Variants in RPAP3 observed in about 807,000 individuals in gnomAD.
RPAP3 encodes RNA polymerase II associated protein 3.
In RPAP3, 58 loss-of-function variants were observed where a neutral mutation model predicts 88.8. The ratio of observed to expected loss-of-function variants is 0.65; its 90% CI spans 0.53 to 0.81. The LOEUF is 0.81. Among genes scored for constraint, RPAP3 ranks in the 40% least tolerant of loss-of-function variants. The pLI is 0.00. For synonymous variants in RPAP3, 255 were observed against 259.9 expected (o/e 0.98, Z 0.18); for missense variants, 751 against 764.3 (o/e 0.98, Z 0.20).
intron 1 of RPAP3, 42 bp from the exon 2 acceptor site, chr12:47,702,888 T>A: frequency 6.8e-7 from 1 of 1,477,468 alleles, no homozygotes; most frequent in Non-Finnish European, 9.1e-7. Context: ...AGAATAGGCC[T>A]ATTTGGTTTA....
intron 10 of RPAP3, among the ~76,000 whole-genome samples, chr12:47,680,103 G>C (rs1007099003): frequency 6.6e-6 from 1 of 152,082 alleles, no homozygotes; most frequent in East Asian, 1.9e-4. Flanking sequence ...TAGAATAAGA[G>C]AATTACATAC....
chr12:47,696,026 C>T (rs1565722362), intron 5 of RPAP3: 1 of 297,028 alleles, frequency 3.4e-6, no homozygotes, highest in South Asian at 1.6e-4. Context: ...GAAAAGAACA[C>T]TATTACTAAA....
In RPAP3 at chr12:47,680,023, G is replaced by A. The variant is rs558695645; in HGVS notation, c.1115-249C>T. Among the ~76,000 whole-genome samples, 47 of 152,156 alleles carry A rather than the reference G, an allele frequency of 3.1e-4. 1 individual carries two copies. Among genetic ancestry groups the A allele is most frequent in the African/African-American group, 1.1e-3 (46 of 41,530 alleles). Reference sequence around the variant, plus strand: ...AGGTGATAAAACTGAGGCCCCTAGAGGTCATCTAACTTAGCAAAGTTCACC... The same window carrying A: ...AGGTGATAAAACTGAGGCCCCTAGAAGTCATCTAACTTAGCAAAGTTCACC... On this transcript the variant is annotated intron_variant, in intron 10 of 16. Coordinates refer to ENST00000005386, the MANE Select transcript of RPAP3 (RefSeq NM_024604.3).
chr12:47,668,864 A>G (rs1006396648), intron 14 of RPAP3, 52 bp downstream of exon 14: 1 of 1,374,142 alleles, frequency 7.3e-7, no homozygotes. Flanking sequence ...AAAGTGACAG[A>G]AGTTCTCTGA....
chr12:47,691,693 G>A (rs749507743), intron 5 of RPAP3, among the ~76,000 whole-genome samples: 1 of 152,156 alleles, frequency 6.6e-6, no homozygotes, highest in Non-Finnish European at 1.5e-5. Flanking sequence ...ATCTCCATCA[G>A]AGATCTTGGG....
intron 3 of RPAP3, among the ~76,000 whole-genome samples, chr12:47,700,343 G>A (rs1939632614): frequency 6.6e-6 from 1 of 152,178 alleles, no homozygotes; most frequent in South Asian, 2.1e-4. Context: ...GAGCATACCA[G>A]TAGCTTCAAT....
intron 10 of RPAP3, 22 bp from the exon 11 acceptor site, chr12:47,679,796 C>T: frequency 1.3e-6 from 2 of 1,489,500 alleles, no homozygotes; most frequent in Non-Finnish European, 1.9e-6. Context: ...TTTTTAAAAA[C>T]ATTACAACAT....
At chr12:47,702,104 C>T (rs1462073263) in intron 2 of RPAP3, among the ~76,000 whole-genome samples, 1 of 152,208 alleles carries the variant, frequency 6.6e-6, no homozygotes, top group Non-Finnish European at 1.5e-5. Flanking sequence ...TATACACACA[C>T]ACCTCTACAT....
At chr12:47,679,622 T>G in intron 11 of RPAP3, 28 bp from the exon 12 acceptor site, 1 of 1,529,502 alleles carries the variant, frequency 6.5e-7, no homozygotes, top group Non-Finnish European at 9.0e-7. Flanking sequence ...AACCCTAACT[T>G]TCAAAATATT....
intron 10 of RPAP3, among the ~76,000 whole-genome samples, chr12:47,680,027 A>T (rs1939193205): frequency 6.6e-6 from 1 of 152,228 alleles, no homozygotes; most frequent in Admixed American, 6.6e-5. Flanking sequence ...CCTAGAGGTC[A>T]TCTAACTTAG....
In RPAP3 at chr12:47,664,283, A is replaced by G. The variant is rs981593365; in HGVS notation, c.1913-693T>C. 2.2e-4 allele frequency among the ~76,000 whole-genome samples: 34 copies of G among 152,148 alleles called. 1 individual carries two copies. Among genetic ancestry groups the G allele is most frequent in the African/African-American group, 7.9e-4 (33 of 41,550 alleles). On this transcript the variant is annotated intron_variant, in intron 16 of 16. Coordinates refer to ENST00000005386, the MANE Select transcript of RPAP3 (RefSeq NM_024604.3). ...CGGGCGCCTGTAGTCCCAGCTACTCAGGAGGCTGAGGCAGGAGAATGGCGT... is the reference window on the plus strand; with the variant it reads ...CGGGCGCCTGTAGTCCCAGCTACTCGGGAGGCTGAGGCAGGAGAATGGCGT...
intron 12 of RPAP3, among the ~76,000 whole-genome samples, chr12:47,678,430 G>A (rs1219360877): frequency 6.6e-6 from 1 of 152,032 alleles, no homozygotes; most frequent in African/African-American, 2.4e-5. Context: ...GCTTCTGCAT[G>A]GCAAAAGAAA....
At chr12:47,677,424 A>G (rs1287092587) in intron 12 of RPAP3, among the ~76,000 whole-genome samples, 1 of 152,160 alleles carries the variant, frequency 6.6e-6, no homozygotes, top group Non-Finnish European at 1.5e-5. Context: ...AATAAAGGGT[A>G]TTCAATTAGG....
In RPAP3 at chr12:47,662,855, T is replaced by A. The variant is rs1167032620; in HGVS notation, c.*650A>T. On this transcript the variant is annotated 3_prime_UTR_variant, in exon 17 of 17. Coordinates refer to ENST00000005386, the MANE Select transcript of RPAP3 (RefSeq NM_024604.3). ...ACTTTAAACATTACTAATTTTTACA[T>A]TTTTACACCTTGCATTAGATTATCT... The A allele has an allele frequency of 6.6e-6, 1 of 152,202 alleles. No individual in the cohort carries two copies. The highest frequency in any genetic ancestry group is 2.4e-5 in the African/African-American group (1 of 41,446). The allele number at this position is 152,202 out of a possible 1,614,324, so 9.4% of individuals were successfully genotyped here. A position where few individuals can be genotyped will look rare whatever the true frequency, so the allele number is the denominator to read the frequency against.
At chr12:47,694,553 A>G (rs1939486052) in intron 5 of RPAP3, among the ~76,000 whole-genome samples, 2 of 152,134 alleles carry the variant, frequency 1.3e-5, no homozygotes, top group African/African-American at 4.8e-5. Context: ...AAATTCCATA[A>G]AGAAGATAAG....
At chr12:47,688,927 T>G (rs1939375987) in intron 7 of RPAP3, among the ~76,000 whole-genome samples, 198 bp downstream of exon 7, 3 of 152,222 alleles carry the variant, frequency 2.0e-5, no homozygotes, top group African/African-American at 7.2e-5. Flanking sequence ...CTCAGGCAAC[T>G]TCTAGAACAA....
chr12:47,668,191 G>A (rs910578877), intron 14 of RPAP3, among the ~76,000 whole-genome samples: 3 of 152,028 alleles, frequency 2.0e-5, no homozygotes, highest in Non-Finnish European at 4.4e-5. Context: ...GCAAAACTCC[G>A]TCCAAAACAA....
intron 13 of RPAP3, 80 bp downstream of exon 13, chr12:47,670,027 T>C: frequency 1.1e-6 from 1 of 922,046 alleles, no homozygotes; most frequent in South Asian, 1.5e-5. Context: ...TGAGTACAAA[T>C]CAGAAGTCTC....
rs1939556222 is a variant in RPAP3 at position 47,697,503 on chromosome 12, C to T, written c.417+94G>A. 1.1e-5 allele frequency: 13 copies of T among 1,166,622 alleles called. No individual in the cohort carries two copies. The South Asian group carries it at 1.9e-4, about 17-fold the overall frequency. 72.3% of individuals were successfully genotyped at this position (1,166,622 alleles called of 1,614,324 possible). A position where few individuals can be genotyped will look rare whatever the true frequency, so the allele number is the denominator to read the frequency against. The stretch of plus-strand genomic sequence containing the variant: ...CCAAAAACAACATAAAGTTTAAACA[C>T]GTACTAAAACTATGCTCAAGAAACT... On this transcript the variant is annotated intron_variant, in intron 4 of 16. Coordinates refer to ENST00000005386, the MANE Select transcript of RPAP3 (RefSeq NM_024604.3).
Sources: gnomAD v4.1 joint callset for allele counts (sites outside exome capture counted in the v4.1 genomes callset) on GRCh38, gnomAD v4.1.1 for gene constraint, MANE v1.5 for transcripts, NCBI Gene and HGNC (gene_info 2026-07-23, HGNC 2026-07-21) for gene names.